C4orf51: variants seen among roughly 807,000 people sequenced by gnomAD.
C4orf51 encodes the protein uncharacterized protein C4orf51.
A neutral mutation model predicts 25.2 loss-of-function variants in C4orf51; 25 were observed. The observed-to-expected ratio is 0.99, with a 90% confidence interval of 0.72 to 1.39. The LOEUF (loss-of-function observed/expected upper bound fraction) is 1.39, where lower values mean the gene tolerates loss of function less well. Ranked by LOEUF, C4orf51 falls within the 40% of genes most tolerant of loss-of-function variation. C4orf51 has a pLI of 0.00. For synonymous variants in C4orf51, 100 were observed against 84.5 expected (o/e 1.18, Z -1.01); for missense variants, 252 against 239.6 (o/e 1.05, Z -0.34).
chr4:145,762,758 CTT>C lies in C4orf51; in HGVS notation n.167-8227_167-8226del, dbSNP rs1263510578. On this transcript the variant is annotated intron_variant and non_coding_transcript_variant, in intron 1 of 1. Coordinates refer to the C4orf51 transcript ENST00000510096. This position sits in a 1 kb window ranked among gnomAD's most constrained non-coding sequence, Gnocchi z 4.9. ...TGTTAACAAACTCTGCTGAGCCTCT[CTT>C]TTAGAAGCTGCCAGGCTGGAGTCAG... Among the ~76,000 whole-genome samples the C allele has an allele frequency of 6.6e-6, 1 of 152,226 alleles. No individual in the cohort carries two copies. Among genetic ancestry groups the C allele is most frequent in the Non-Finnish European group, 1.5e-5 (1 of 68,042 alleles).
At chr4:145,789,159 A>G in the C4orf51 span, among the ~76,000 whole-genome samples, 1 of 152,178 alleles carries the variant, frequency 6.6e-6, no homozygotes, top group Admixed American at 6.5e-5. Context: ...AGGGTGGAGG[A>G]GCAGAAAATT....
the C4orf51 span, among the ~76,000 whole-genome samples, chr4:145,781,634 T>C: frequency 6.6e-6 from 1 of 151,908 alleles, no homozygotes; most frequent in African/African-American, 2.4e-5. Context: ...GAAATGTGGG[T>C]GAAGAGAAGT....
chr4:145,757,237 C>T (rs745394047), downstream of C4orf51, among the ~76,000 whole-genome samples: 44 of 152,142 alleles, frequency 2.9e-4, no homozygotes, highest in Non-Finnish European at 5.7e-4. Flanking sequence ...CTCATAGTTG[C>T]CCAACTTCAT....
chr4:145,781,211 A>G, the C4orf51 span, among the ~76,000 whole-genome samples: 27 of 126,748 alleles, frequency 2.1e-4, no homozygotes, highest in African/African-American at 8.1e-4. Flanking sequence ...AAAAAAAAAA[A>G]AAAAAAGAAA....
chr4:145,776,862 C>G, the C4orf51 span, among the ~76,000 whole-genome samples: 2 of 152,002 alleles, frequency 1.3e-5, no homozygotes, highest in East Asian at 1.9e-4. Flanking sequence ...TAATGGAAAC[C>G]CTCTCATAAA....
intron 1 of C4orf51, among the ~76,000 whole-genome samples, chr4:145,743,557 A>G (rs554255330): frequency 1.3e-5 from 2 of 152,378 alleles, no homozygotes; most frequent in South Asian, 4.1e-4. Context: ...CAGCTACATT[A>G]GGGATTAAGT....
intron 1 of C4orf51, among the ~76,000 whole-genome samples, chr4:145,741,434 T>C (rs1020209349): frequency 6.6e-6 from 1 of 152,194 alleles, no homozygotes; most frequent in Non-Finnish European, 1.5e-5. Flanking sequence ...GATATTTGGC[T>C]AACAGAAACT....
intron 2 of C4orf51, among the ~76,000 whole-genome samples, chr4:145,719,234 G>C (rs1011648259): frequency 1.3e-5 from 2 of 151,928 alleles, no homozygotes; most frequent in African/African-American, 2.4e-5. Context: ...TTCTTTATAG[G>C]GGCAGGTCTT....
chr4:145,743,207 T>A (rs1733191981), intron 1 of C4orf51, among the ~76,000 whole-genome samples: 1 of 152,228 alleles, frequency 6.6e-6, no homozygotes, highest in Admixed American at 6.5e-5. Context: ...GAGTCTTCCC[T>A]TCTGTCTTAG....
rs1277332650 is a variant in C4orf51, at chr4:145,765,435, A to T, written n.167-5553A>T. The T allele has an allele frequency of 7.6e-7, 1 of 1,309,498 alleles. No individual in the cohort carries two copies. The highest frequency in any genetic ancestry group is 1.0e-6 in the Non-Finnish European group (1 of 961,996). The allele number at this position is 1,309,498 out of a possible 1,614,324, so 81.1% of individuals were successfully genotyped here. On this transcript the variant is annotated intron_variant and non_coding_transcript_variant, in intron 1 of 1. Transcript: ENST00000510096. This position sits in a 1 kb window ranked among gnomAD's most constrained non-coding sequence, Gnocchi z 4.7. The stretch of plus-strand genomic sequence containing the variant: ...CTTTAGGTGAGGCCCAGCATACTGC[A>T]TCCTGGGCCTATTATCAGTTTTTGA...
intron 1 of C4orf51, among the ~76,000 whole-genome samples, chr4:145,753,768 C>G (rs1244093424): frequency 6.6e-6 from 1 of 152,078 alleles, no homozygotes; most frequent in African/African-American, 2.4e-5. Context: ...TGTTTTGGCT[C>G]TCATATGGCT....
chr4:145,694,423 C>T (rs1488716140), intron 1 of C4orf51, among the ~76,000 whole-genome samples: 6 of 123,508 alleles, frequency 4.9e-5, no homozygotes, highest in Non-Finnish European at 8.8e-5. Context: ...AGGTGAGGGG[C>T]GCCTCTGCCC....
At chr4:145,720,551 C>T (rs1283803370) in intron 2 of C4orf51, among the ~76,000 whole-genome samples, 2 of 152,208 alleles carry the variant, frequency 1.3e-5, no homozygotes. Context: ...TTTTACCCCA[C>T]CACATATTCC....
chr4:145,744,711 G>A lies in C4orf51; in HGVS notation n.168-9496G>A, dbSNP rs147016281. On this transcript the variant is annotated intron_variant and non_coding_transcript_variant, in intron 1 of 1. Coordinates refer to the C4orf51 transcript ENST00000508981. ...TAGTAATTCTACAAAAAATTAGCCAGGTGTAGTGGCAGGCGCCTGTATTCC... is the reference window on the plus strand; with the variant it reads ...TAGTAATTCTACAAAAAATTAGCCAAGTGTAGTGGCAGGCGCCTGTATTCC... Among the ~76,000 whole-genome samples the A allele has an allele frequency of 3.8e-3, 578 of 152,288 alleles. 8 individuals carry two copies. Among genetic ancestry groups the A allele is most frequent in the African/African-American group, 0.013 (544 of 41,550 alleles).
chr4:145,782,339 G>A, the C4orf51 span, among the ~76,000 whole-genome samples: 4 of 152,298 alleles, frequency 2.6e-5, no homozygotes, highest in African/African-American at 7.2e-5. Context: ...GCAAAGGCCC[G>A]TTCTTTTTTC....
chr4:145,770,256 G>T (rs751477584), intron 1 of C4orf51, among the ~76,000 whole-genome samples: 8 of 151,792 alleles, frequency 5.3e-5, no homozygotes, highest in Non-Finnish European at 1.0e-4. Flanking sequence ...CCAAGATCAC[G>T]CCACTTCACT....
At chr4:145,735,142 G>A (rs1025508217), downstream of C4orf51, among the ~76,000 whole-genome samples, 2 of 152,180 alleles carry the variant, frequency 1.3e-5, no homozygotes, top group Non-Finnish European at 2.9e-5. Context: ...AGAGTTCCAG[G>A]TCGGGGATTG....
At chr4:145,730,698 G>T (rs1306343482) in intron 5 of C4orf51, among the ~76,000 whole-genome samples, 1 of 18,038 alleles carries the variant, frequency 5.5e-5, no homozygotes, top group Non-Finnish European at 9.1e-5. Context: ...CTCGTTATGT[G>T]TGTTAAAAAA....
intron 2 of C4orf51, among the ~76,000 whole-genome samples, chr4:145,705,466 T>C (rs1390513718): frequency 2.0e-5 from 3 of 152,176 alleles, no homozygotes; most frequent in African/African-American, 7.2e-5. Context: ...CTGTAACATT[T>C]TCCCCCTCAA....
Sources: gnomAD v4.1 joint callset for allele counts (sites outside exome capture counted in the v4.1 genomes callset) on GRCh38, gnomAD v4.1.1 for gene constraint, Gnocchi (gnomAD v3.1) non-coding constraint, MANE v1.5 for transcripts, NCBI Gene and HGNC (gene_info 2026-07-23, HGNC 2026-07-21) for gene names.